MAST4: variants seen among roughly 807,000 people sequenced by gnomAD.
MAST4 encodes the protein microtubule associated serine/threonine kinase family member 4, also known as microtubule-associated serine/threonine-protein kinase 4.
Under a neutral mutation model 162.7 loss-of-function variants are expected in MAST4, and 89 were observed. The ratio of observed to expected loss-of-function variants is 0.55; its 90% CI spans 0.46 to 0.65. MAST4 has a LOEUF of 0.65. Among genes scored for constraint, MAST4 ranks in the 30% least tolerant of loss-of-function variants. The pLI, the probability that MAST4 is intolerant of heterozygous loss-of-function variation, is 0.00. For synonymous variants in MAST4, 1,479 were observed against 1,361.1 expected (o/e 1.09, Z -1.91); for missense variants, 3,153 against 3,374.0 (o/e 0.93, Z 1.62).
rs189458644 is a variant in MAST4 at position 66,884,725 on chromosome 5, T to C, written c.643-15226T>C. The stretch of plus-strand genomic sequence containing the variant: ...AAAATAAGCTAGGTCAGCTATCATA[T>C]CCCCTCAAATGAAAAAAGACGGCTA... On this transcript the variant is annotated intron_variant, in intron 3 of 28. Transcript: ENST00000403625. 7.9e-3 allele frequency among the ~76,000 whole-genome samples: 1,196 copies of C among 152,238 alleles called. 12 individuals carry two copies. Among genetic ancestry groups the C allele is most frequent in the Middle Eastern group, 0.024 (7 of 294 alleles).
chr5:66,761,694 G>A (rs933201618), intron 2 of MAST4, among the ~76,000 whole-genome samples: 3 of 151,824 alleles, frequency 2.0e-5, no homozygotes, highest in Non-Finnish European at 4.4e-5. Context: ...TGGAACAAAA[G>A]GCCAAACTAC....
chr5:66,687,769 C>T (rs1295407372), intron 1 of MAST4, among the ~76,000 whole-genome samples: 7 of 151,958 alleles, frequency 4.6e-5, no homozygotes, highest in South Asian at 2.1e-4. Flanking sequence ...CTGTGATAAA[C>T]GTAACAGACC....
At chr5:66,687,340 T>C (rs2149491409) in intron 1 of MAST4, among the ~76,000 whole-genome samples, 1 of 152,282 alleles carries the variant, frequency 6.6e-6, no homozygotes, top group South Asian at 2.1e-4. Context: ...TATTTGATTT[T>C]CTGTTTCTGA....
At chr5:66,612,210 G>A (rs1743333963) in intron 1 of MAST4, among the ~76,000 whole-genome samples, 2 of 152,296 alleles carry the variant, frequency 1.3e-5, no homozygotes, top group African/African-American at 4.8e-5. Context: ...CTTTTTTGCA[G>A]TGTTTCTTTT....
chr5:66,916,164 C>G (rs989042425), intron 4 of MAST4, among the ~76,000 whole-genome samples: 1 of 152,150 alleles, frequency 6.6e-6, no homozygotes, highest in Non-Finnish European at 1.5e-5. Context: ...TAACCTGTTT[C>G]TTTAAAAATA....
intron 4 of MAST4, among the ~76,000 whole-genome samples, chr5:66,961,794 A>G (rs772790772): frequency 6.6e-6 from 1 of 152,218 alleles, no homozygotes; most frequent in African/African-American, 2.4e-5. Flanking sequence ...AGACAAAATG[A>G]TGGACATATC....
At chr5:67,119,132 T>A (rs1001294298) in intron 13 of MAST4, among the ~76,000 whole-genome samples, 2 of 151,864 alleles carry the variant, frequency 1.3e-5, no homozygotes, top group Non-Finnish European at 1.5e-5. Context: ...GTTTATCAGG[T>A]TTTTTGTTTT....
chr5:66,826,503 T>C (rs990259750), intron 3 of MAST4, among the ~76,000 whole-genome samples: 4 of 152,118 alleles, frequency 2.6e-5, no homozygotes, highest in Non-Finnish European at 5.9e-5. Context: ...CTTACACGAT[T>C]GGTCACAGAA....
rs765185577 is a variant in MAST4, at chr5:67,164,096, C to T, written c.4917C>T (p.Ala1639=). The change falls in exon 29 of 29, where the codon GCC becomes GCT. Residue 1639 remains alanine, a synonymous_variant. Transcript: ENST00000403625. This position sits in a 1 kb window ranked among gnomAD's most constrained non-coding sequence, Gnocchi z 5.3. ...HRQGGGDFRR[A]PAPGTLQDGL... ...AGGGTGGCGGGGACTTCAGACGGGC[C>T]CCCGCTCCTGGCACCCTCCAGGATG... is the stretch of plus-strand genomic sequence containing the variant. 2 of 1,576,222 alleles carry T rather than the reference C, an allele frequency of 1.3e-6. No homozygotes were observed. Among genetic ancestry groups the T allele is most frequent in the South Asian group, 2.3e-5 (2 of 86,252 alleles).
intron 1 of MAST4, among the ~76,000 whole-genome samples, chr5:66,608,067 GT>G (rs201960504): frequency 0.048 from 6,668 of 140,284 alleles, 315 homozygotes; most frequent in African/African-American, 0.14. Context: ...TTTTTTTTTT[GT>G]TTTTTTTTTT....
intron 1 of MAST4, among the ~76,000 whole-genome samples, chr5:66,687,227 C>G (rs1198132468): frequency 2.0e-5 from 3 of 152,176 alleles, no homozygotes; most frequent in East Asian, 3.9e-4. Context: ...ACCTTCACCC[C>G]CTTCTTTTCC....
intron 4 of MAST4, chr5:67,001,314 C>G (rs1358749252): frequency 2.0e-5 from 3 of 152,304 alleles, no homozygotes; most frequent in African/African-American, 7.2e-5. Context: ...CATCTGTACT[C>G]TTATCTTCAT....
intron 5 of MAST4, among the ~76,000 whole-genome samples, chr5:67,074,808 TA>T (rs1561614291): frequency 6.6e-6 from 1 of 152,258 alleles, no homozygotes; most frequent in African/African-American, 2.4e-5. Context: ...TTTTATACTT[TA>T]ATGTATTTTG....
intron 3 of MAST4, among the ~76,000 whole-genome samples, chr5:66,872,154 T>G (rs1760980322): frequency 2.0e-5 from 1 of 48,966 alleles, no homozygotes; most frequent in African/African-American, 3.9e-5. Context: ...ATAAATTTTT[T>G]GTTTGTTTGT....
At chr5:67,142,594 T>G in intron 21 of MAST4, 61 bp downstream of exon 21, 33 of 1,082,104 alleles carry the variant, frequency 3.0e-5, no homozygotes, top group Non-Finnish European at 4.6e-5. Flanking sequence ...GCTGGCCAGA[T>G]AGTATCCCCG....
chr5:66,646,519 C>A (rs1476599417), intron 1 of MAST4, among the ~76,000 whole-genome samples: 3 of 152,164 alleles, frequency 2.0e-5, no homozygotes, highest in Admixed American at 2.0e-4. Context: ...ATAACAAAAA[C>A]ACGGTGATAA....
intron 1 of MAST4, among the ~76,000 whole-genome samples, chr5:66,679,729 C>T (rs1296363839): frequency 6.6e-6 from 1 of 151,880 alleles, no homozygotes; most frequent in Non-Finnish European, 1.5e-5. Flanking sequence ...GCAGGCTCTC[C>T]AGTTGGGGAG....
chr5:66,668,110 T>C (rs1747375647), intron 1 of MAST4, among the ~76,000 whole-genome samples: 2 of 152,202 alleles, frequency 1.3e-5, no homozygotes. Context: ...TGTGCTAATT[T>C]GGAACAGTTT....
chr5:66,970,739 A>G (rs1747330430), intron 4 of MAST4, among the ~76,000 whole-genome samples: 1 of 152,240 alleles, frequency 6.6e-6, no homozygotes, highest in Non-Finnish European at 1.5e-5. Context: ...AGCTTGCTAC[A>G]TGCCTGGCAC....
Sources: gnomAD v4.1 joint callset for allele counts (sites outside exome capture counted in the v4.1 genomes callset) on GRCh38, gnomAD v4.1.1 for gene constraint, Gnocchi (gnomAD v3.1) non-coding constraint, MANE v1.5 for transcripts, NCBI Gene and HGNC (gene_info 2026-07-23, HGNC 2026-07-21) for gene names.